FEM1C: variants seen among roughly 807,000 people sequenced by gnomAD.
The protein encoded by FEM1C is protein fem-1 homolog C.
A neutral mutation model predicts 37.6 loss-of-function variants in FEM1C; 15 were observed. The ratio of observed to expected loss-of-function variants is 0.40; its 90% confidence interval spans 0.27 to 0.61. The LOEUF is 0.61. Among genes scored for constraint, FEM1C ranks in the 20% least tolerant of loss-of-function variants. The pLI is 0.42. For synonymous variants in FEM1C, 287 were observed against 272.8 expected (o/e 1.05, Z -0.51); for missense variants, 532 against 749.7 (o/e 0.71, Z 3.39).
At chr5:115,543,950 C>T (rs1187773284) in intron 1 of FEM1C, 6 of 985,414 alleles carry the variant, frequency 6.1e-6, no homozygotes, top group Non-Finnish European at 6.0e-6. Flanking sequence ...TCGCCTCCAG[C>T]TCTAACCAGC....
At chr5:115,538,652 C>T (rs1450292351) in intron 2 of FEM1C, among the ~76,000 whole-genome samples, 1 of 151,960 alleles carries the variant, frequency 6.6e-6, no homozygotes, top group Admixed American at 6.6e-5. Context: ...AGTTAGTCCC[C>T]TGCTGAAAAA....
intron 2 of FEM1C, among the ~76,000 whole-genome samples, chr5:115,535,011 C>G (rs575295380): frequency 6.6e-6 from 1 of 151,854 alleles, no homozygotes; most frequent in Admixed American, 6.6e-5. Context: ...CTGTTTTACA[C>G]CATATAGAAA....
chr5:115,529,790 T>A (rs1341498439), intron 2 of FEM1C, among the ~76,000 whole-genome samples: 2 of 152,058 alleles, frequency 1.3e-5, no homozygotes, highest in African/African-American at 2.4e-5. Flanking sequence ...GAAATTTATG[T>A]TAGCCTTTGA....
At chr5:115,533,963 T>A (rs1423176252) in intron 2 of FEM1C, among the ~76,000 whole-genome samples, 1 of 151,980 alleles carries the variant, frequency 6.6e-6, no homozygotes, top group Non-Finnish European at 1.5e-5. Flanking sequence ...AATTTCATGA[T>A]TTCTCAAAAG....
chr5:115,536,690 A>T (rs1438186349), intron 2 of FEM1C, among the ~76,000 whole-genome samples: 1 of 151,948 alleles, frequency 6.6e-6, no homozygotes, highest in Non-Finnish European at 1.5e-5. Context: ...AAGTTCAAAA[A>T]AAAGGAAATT....
chr5:115,534,700 G>A (rs772299303), intron 2 of FEM1C, among the ~76,000 whole-genome samples: 4 of 151,900 alleles, frequency 2.6e-5, no homozygotes, highest in Non-Finnish European at 5.9e-5. Flanking sequence ...TCTGCCGTTT[G>A]TAAATTCCTC....
chr5:115,540,414 G>GA (rs1754215986), intron 2 of FEM1C, among the ~76,000 whole-genome samples: 1 of 151,982 alleles, frequency 6.6e-6, no homozygotes, highest in Non-Finnish European at 1.5e-5. Context: ...GAGGTTACGA[G>GA]AAAACAATTT....
Position 115,543,479 on chromosome 5 carries a change from T to C in FEM1C, c.15A>G (p.Thr5=). ...CATCCCGAGCTGCGTTAAATACTGC[T>C]GTCTTTAGATCCATTTATGTCCAGT... MDLK[T]AVFNAARDGK... Residue 5 remains threonine (T), a synonymous_variant, in exon 2 of 3, where the codon ACA becomes ACG. Transcript: ENST00000274457. 1 of 1,610,206 alleles carries C rather than the reference T, an allele frequency of 6.2e-7. No homozygotes were observed. The highest frequency in any genetic ancestry group is 8.5e-7 in the Non-Finnish European group (1 of 1,178,838).
Position 115,523,192 on chromosome 5 carries a change from T to C in FEM1C, c.*1116A>G, listed in dbSNP as rs1324181812. The C allele has an allele frequency of 2.0e-5, 3 of 152,468 alleles. No individual in the cohort carries two copies. The highest frequency in any genetic ancestry group is 7.2e-5 in the African/African-American group (3 of 41,428). The allele number at this position is 152,468 out of a possible 1,614,324, so 9.4% of individuals were successfully genotyped here. A position where few individuals can be genotyped will look rare whatever the true frequency, so the allele number is the denominator to read the frequency against. ...GACCTTTGATATTATGGCAGTAAATTGCATACTAAAATACCTTAATTATCC... is the reference window on the plus strand; with the variant it reads ...GACCTTTGATATTATGGCAGTAAATCGCATACTAAAATACCTTAATTATCC... On this transcript the variant is annotated 3_prime_UTR_variant, in exon 3 of 3. Transcript: ENST00000274457.
intron 2 of FEM1C, among the ~76,000 whole-genome samples, chr5:115,530,120 C>G (rs555725679): frequency 6.6e-6 from 1 of 151,828 alleles, no homozygotes; most frequent in Admixed American, 6.5e-5. Flanking sequence ...ACTGAAGATA[C>G]AAAGAAAACT....
chr5:115,524,637 G>A lies in FEM1C; in HGVS notation c.1525C>T (p.Gln509Ter), dbSNP rs539753880. Residue 509 changes from glutamine to a stop codon, truncating the protein, a stop_gained, in exon 3 of 3, where the codon CAA becomes TAA. Transcript: ENST00000274457. LOFTEE classifies it high-confidence loss of function. The stretch of plus-strand genomic sequence containing the variant: ...CATTCTATCAGTATTGCAGTAACTT[G>A]TAGAGATGGAAATTTACAAACAGGG... ...RYPVCKFPSLQVTAILIECGA... is the reference protein window; with the variant it reads ...RYPVCKFPSL 6.3e-7 allele frequency: 1 copy of A among 1,580,326 alleles called. No homozygotes were observed. The highest frequency in any genetic ancestry group is 2.2e-5 in the East Asian group (1 of 44,714).
intron 2 of FEM1C, among the ~76,000 whole-genome samples, chr5:115,535,418 A>G (rs1243091442): frequency 6.6e-6 from 1 of 151,946 alleles, no homozygotes; most frequent in Non-Finnish European, 1.5e-5. Context: ...TAAAACATGC[A>G]AAGGTTAATG....
chr5:115,533,261 TTTA>T (rs1457717411), intron 2 of FEM1C, among the ~76,000 whole-genome samples: 1 of 152,086 alleles, frequency 6.6e-6, no homozygotes, highest in East Asian at 1.9e-4. Flanking sequence ...GTTTATAAAC[TTTA>T]TTTTCTTTTA....
intron 2 of FEM1C, among the ~76,000 whole-genome samples, chr5:115,530,983 G>A (rs1037911871): frequency 2.4e-4 from 37 of 151,444 alleles, no homozygotes; most frequent in South Asian, 4.2e-4. Flanking sequence ...ATACGTATGC[G>A]AATACAGCAT....
chr5:115,522,856 T>A lies in FEM1C; in HGVS notation c.*1452A>T, dbSNP rs1012604790. 4 of 152,364 alleles carry A rather than the reference T, an allele frequency of 2.6e-5. No homozygotes were observed. The highest frequency in any genetic ancestry group is 4.4e-5 in the Non-Finnish European group (3 of 67,888). 9.4% of individuals were successfully genotyped at this position (152,364 alleles called of 1,614,324 possible). On this transcript the variant is annotated 3_prime_UTR_variant, in exon 3 of 3. Transcript: ENST00000274457. ...ATTACAATAAAGTGCTGAATGATAA[T>A]TACCTGAATCTTTTTTAGTACTTTT... is the stretch of plus-strand genomic sequence containing the variant.
chr5:115,535,143 T>C (rs1462186043), intron 2 of FEM1C, among the ~76,000 whole-genome samples: 1 of 151,904 alleles, frequency 6.6e-6, no homozygotes, highest in East Asian at 1.9e-4. Context: ...GTAAATGGCA[T>C]AGTATCAGTA....
intron 2 of FEM1C, among the ~76,000 whole-genome samples, chr5:115,534,007 C>A (rs1025041347): frequency 6.6e-6 from 1 of 151,650 alleles, no homozygotes; most frequent in Admixed American, 6.6e-5. Flanking sequence ...CTTAGAAATC[C>A]GGTTAGTGGC....
In FEM1C at chr5:115,524,428, G is replaced by A. The variant is rs1476862822; in HGVS notation, c.1734C>T (p.Ile578=). ...LDEKEIAKNL[I]QPINHTTLQC... Reference sequence around the variant, plus strand: ...GCAATGTGGTATGATTTATAGGCTGGATTAAATTTTTAGCTATTTCCTTCT... The same window carrying A: ...GCAATGTGGTATGATTTATAGGCTGAATTAAATTTTTAGCTATTTCCTTCT... Residue 578 remains isoleucine, a synonymous_variant, in exon 3 of 3, where the codon ATC becomes ATT. Transcript: ENST00000274457. The A allele has an allele frequency of 1.9e-6, 3 of 1,613,434 alleles. No individual in the cohort carries two copies. The South Asian group carries it at 3.3e-5, about 18-fold the overall frequency.
chr5:115,531,908 A>G (rs1332477764), intron 2 of FEM1C, among the ~76,000 whole-genome samples: 1 of 152,054 alleles, frequency 6.6e-6, no homozygotes, highest in Non-Finnish European at 1.5e-5. Context: ...CACAAGGGAG[A>G]AATTCTGCTT....
Sources: allele counts gnomAD v4.1 joint callset (sites outside exome capture counted in the v4.1 genomes callset), GRCh38; gene constraint gnomAD v4.1.1; transcripts MANE v1.5; gene names NCBI Gene and HGNC (gene_info 2026-07-23, HGNC 2026-07-21).